SLC14A2: variants seen among roughly 807,000 people sequenced by gnomAD.
SLC14A2 encodes the protein urea transporter 2.
SLC14A2 carries 91 observed loss-of-function variants against 104.6 expected under a neutral mutation model. The observed-to-expected ratio is 0.87, with a 90% CI of 0.73 to 1.04. The LOEUF (loss-of-function observed/expected upper bound fraction) is 1.04, where lower values mean the gene tolerates loss of function less well. SLC14A2 is among the 50% of genes least tolerant of loss of function. The probability of loss-of-function intolerance (pLI) is 0.00; values close to 1 mark genes in which losing one functional copy is unlikely to be tolerated. For missense variants in SLC14A2, 1,189 were observed against 1,156.0 expected, an observed-to-expected ratio of 1.03 and a Z score of -0.41; for synonymous variants, 476 against 466.4, an observed-to-expected ratio of 1.02 and a Z score of -0.27.
chr18:45,517,412 C>G (rs2043457161), intron 2 of SLC14A2, among the ~76,000 whole-genome samples: 1 of 152,180 alleles, frequency 6.6e-6, no homozygotes, highest in Non-Finnish European at 1.5e-5. Context: ...GCCTCTAGGT[C>G]TCCAAAGCAA....
chr18:45,680,896 C>T (rs1397857177), intron 19 of SLC14A2, among the ~76,000 whole-genome samples: 2 of 152,136 alleles, frequency 1.3e-5, no homozygotes, highest in Admixed American at 6.5e-5. Context: ...TTGGAAGACT[C>T]GCTGAATGGA....
chr18:45,264,586 A>T (rs1286963406), intron 1 of SLC14A2, among the ~76,000 whole-genome samples: 1 of 152,180 alleles, frequency 6.6e-6, no homozygotes, highest in South Asian at 2.1e-4. Context: ...TCACAATCAC[A>T]GTGAAAGGCA....
chr18:45,340,523 A>T (rs893827730), intron 1 of SLC14A2, among the ~76,000 whole-genome samples: 23 of 152,238 alleles, frequency 1.5e-4, no homozygotes, highest in African/African-American at 5.5e-4. Context: ...CTGATATTCA[A>T]TCGGAGTCCA....
intron 1 of SLC14A2, among the ~76,000 whole-genome samples, chr18:45,296,851 G>C (rs2084922555): frequency 6.6e-6 from 1 of 152,138 alleles, no homozygotes; most frequent in Non-Finnish European, 1.5e-5. Flanking sequence ...GTCTCTGCTG[G>C]CTGAGATATT....
chr18:45,241,061 T>C (rs2084310763), intron 1 of SLC14A2, among the ~76,000 whole-genome samples: 1 of 151,992 alleles, frequency 6.6e-6, no homozygotes, highest in South Asian at 2.1e-4. Flanking sequence ...AATAATGAGC[T>C]CCAGGAAGAA....
In SLC14A2 at chr18:45,669,157, G is replaced by A. The variant is rs986778226; in HGVS notation, c.2037-149G>A. On this transcript the variant is annotated intron_variant, in intron 15 of 19. Coordinates refer to ENST00000255226, the MANE Select transcript of SLC14A2 (RefSeq NM_007163.4). ...CTGTGCAGGGAGGAAGAGGCCCAGG[G>A]AAAGACCTGCTCAGGGCCAGTCAGG... 3 of 614,958 alleles carry A rather than the reference G, an allele frequency of 4.9e-6. No homozygotes were observed. The East Asian group carries it at 8.6e-5, about 18-fold the overall frequency. The allele number at this position is 614,958 out of a possible 1,614,324, so 38.1% of individuals were successfully genotyped here. A position where few individuals can be genotyped will look rare whatever the true frequency, so the allele number is the denominator to read the frequency against.
At chr18:45,286,332 T>C (rs1323146141) in intron 1 of SLC14A2, among the ~76,000 whole-genome samples, 1 of 152,230 alleles carries the variant, frequency 6.6e-6, no homozygotes, top group Non-Finnish European at 1.5e-5. Context: ...ATGTAGTCTC[T>C]GCCACCTTCA....
chr18:45,672,755 G>T, intron 16 of SLC14A2, 145 bp from the exon 17 acceptor site: 1 of 643,086 alleles, frequency 1.6e-6, no homozygotes, highest in Non-Finnish European at 2.7e-6. Context: ...TCCTGTTAAA[G>T]TTAACCTATT....
rs367675763 is a variant in SLC14A2, at chr18:45,673,796, C to T, written c.2491C>T (p.His831Tyr). Residue 831 changes from histidine to tyrosine, a missense_variant, in exon 18 of 20, where the codon CAC becomes TAC. His to Tyr is a moderately conservative substitution (Grantham distance 83). Coordinates refer to ENST00000255226, the MANE Select transcript of SLC14A2 (RefSeq NM_007163.4). ...GMFYVITWQT[H>Y]LLAIACALFA... Reference sequence around the variant, plus strand: ...GTTCTACGTCATCACCTGGCAGACGCACCTCCTCGCCATCGCCTGCGGTAG... The same window carrying T: ...GTTCTACGTCATCACCTGGCAGACGTACCTCCTCGCCATCGCCTGCGGTAG... 2.0e-5 allele frequency: 33 copies of T among 1,614,060 alleles called. No homozygotes were observed. The highest frequency in any genetic ancestry group is 2.8e-5 in the Non-Finnish European group (33 of 1,179,984).
At chr18:45,238,785 A>T (rs1018409830) in intron 1 of SLC14A2, among the ~76,000 whole-genome samples, 2 of 152,302 alleles carry the variant, frequency 1.3e-5, no homozygotes. Flanking sequence ...ATAGAGGCAC[A>T]TTGTTGTTTC....
chr18:45,341,560 C>A (rs1417581822), intron 1 of SLC14A2, among the ~76,000 whole-genome samples: 1 of 151,468 alleles, frequency 6.6e-6, no homozygotes, highest in Non-Finnish European at 1.5e-5. Context: ...TTTAAATGGC[C>A]CCCAAGCCTA....
intron 1 of SLC14A2, among the ~76,000 whole-genome samples, chr18:45,364,854 A>C (rs1165583466): frequency 1.3e-5 from 2 of 152,214 alleles, no homozygotes; most frequent in Non-Finnish European, 2.9e-5. Flanking sequence ...ACTTGCCAGC[A>C]AACTTTTATT....
intron 1 of SLC14A2, among the ~76,000 whole-genome samples, chr18:45,296,289 G>A (rs1037144909): frequency 2.4e-4 from 37 of 152,198 alleles, no homozygotes; most frequent in African/African-American, 8.4e-4. Context: ...CTGGCATGGG[G>A]TGGGATAGGT....
At chr18:45,605,307 C>T (rs1301788849) in intron 2 of SLC14A2, among the ~76,000 whole-genome samples, 1 of 152,178 alleles carries the variant, frequency 6.6e-6, no homozygotes, top group African/African-American at 2.4e-5. Flanking sequence ...CACTGATGGA[C>T]TGTCTCATGT....
In SLC14A2 at chr18:45,238,084, A is replaced by G. The variant is rs2084274157; in HGVS notation, c.-125+24893A>G. Among the ~76,000 whole-genome samples, 3 of 152,248 alleles carry G rather than the reference A, an allele frequency of 2.0e-5. No homozygotes were observed. The South Asian group carries it at 6.2e-4, about 32-fold the overall frequency. On this transcript the variant is annotated intron_variant, in intron 1 of 20. Coordinates refer to the SLC14A2 transcript ENST00000586448. ...TCTCTAGACTTATTGGATGAATTGGAAACTGAGGAAACAAAAAAAGCTCAG... is the reference window on the plus strand; with the variant it reads ...TCTCTAGACTTATTGGATGAATTGGGAACTGAGGAAACAAAAAAAGCTCAG...
intron 2 of SLC14A2, among the ~76,000 whole-genome samples, chr18:45,508,258 GC>G (rs1246159216): frequency 1.3e-5 from 2 of 152,174 alleles, no homozygotes; most frequent in African/African-American, 4.8e-5. Flanking sequence ...AGAGGGCAGG[GC>G]CTTTGATACG....
At chr18:45,476,854 A>G (rs1403667937) in intron 1 of SLC14A2, among the ~76,000 whole-genome samples, 1 of 152,136 alleles carries the variant, frequency 6.6e-6, no homozygotes, top group Admixed American at 6.5e-5. Context: ...TTCTTCTCTA[A>G]ACTGGTTATT....
intron 1 of SLC14A2, among the ~76,000 whole-genome samples, chr18:45,318,793 A>C (rs553347927): frequency 6.6e-6 from 1 of 152,094 alleles, no homozygotes; most frequent in South Asian, 2.1e-4. Context: ...GTCTAAAAAA[A>C]AAAAAAAAAT....
chr18:45,223,825 C>T (rs981014266), intron 1 of SLC14A2, among the ~76,000 whole-genome samples: 16 of 152,228 alleles, frequency 1.1e-4, no homozygotes, highest in Admixed American at 3.9e-4. Context: ...GCTCTAGACT[C>T]TTCTGAGCTG....
Sources: gnomAD v4.1 joint callset for allele counts (sites outside exome capture counted in the v4.1 genomes callset) on GRCh38, gnomAD v4.1.1 for gene constraint, MANE v1.5 for transcripts, NCBI Gene and HGNC (gene_info 2026-07-23, HGNC 2026-07-21) for gene names.